WWP2: variants seen among roughly 807,000 people sequenced by gnomAD.
The protein encoded by WWP2 is NEDD4-like E3 ubiquitin-protein ligase WWP2.
A neutral mutation model predicts 121.0 loss-of-function variants in WWP2; 57 were observed. The ratio of observed to expected loss-of-function variants is 0.47; its 90% CI spans 0.38 to 0.59. The LOEUF is 0.59. Ranked by LOEUF, WWP2 falls within the 20% of genes least tolerant of loss-of-function variation. The pLI is 0.00. For synonymous variants in WWP2, 449 were observed against 441.3 expected (o/e 1.02, Z -0.22); for missense variants, 962 against 1,158.9 (o/e 0.83, Z 2.47).
intron 4 of WWP2, among the ~76,000 whole-genome samples, chr16:69,818,886 A>G (rs1567683380): frequency 6.6e-6 from 1 of 152,200 alleles, no homozygotes; most frequent in East Asian, 1.9e-4. Flanking sequence ...AATTTGGCCT[A>G]TATGCCCAAA....
At position 69,784,920 on chromosome 16, in the gene WWP2, TGA is replaced by T. The variant is rs1267897909; in HGVS notation, c.-15-2074_-15-2073del. 7.6e-4 allele frequency among the ~76,000 whole-genome samples: 116 copies of T among 151,904 alleles called. 1 individual carries two copies. The highest frequency in any genetic ancestry group is 2.8e-3 in the African/African-American group (115 of 41,388). On this transcript the variant is annotated intron_variant, in intron 1 of 23. Coordinates refer to ENST00000359154, the MANE Select transcript of WWP2 (RefSeq NM_001270454.2). ...AGTATTTGTTACCAATGATAAAATA[TGA>T]GTTTTTTTTTTTTTTAAAGAAAAGA...
At chr16:69,828,693 G>T (rs1215416221) in intron 4 of WWP2, among the ~76,000 whole-genome samples, 4 of 152,102 alleles carry the variant, frequency 2.6e-5, no homozygotes, top group Non-Finnish European at 4.4e-5. Context: ...TAGAAATAGG[G>T]TTTTGCCATG....
rs770646349 is a variant in WWP2 at position 69,931,598 on chromosome 16, G to A, written c.1593+18G>A. 8.1e-6 allele frequency: 13 copies of A among 1,613,676 alleles called. No individual in the cohort carries two copies. Among genetic ancestry groups the A allele is most frequent in the Admixed American group, 3.3e-5 (2 of 59,956 alleles). ...TCCAACAGGTTAGATCATGGTGCCC[G>A]AAACCAGTGGCAGGCCGACGCCCTC... On this transcript the variant is annotated intron_variant, in intron 15 of 23. Transcript: ENST00000359154.
intron 1 of WWP2, among the ~76,000 whole-genome samples, chr16:69,763,069 A>G (rs888683220): frequency 6.6e-6 from 1 of 151,208 alleles, no homozygotes; most frequent in African/African-American, 2.5e-5. Context: ...AAACAAAAAA[A>G]GAAAATAAAT....
intron 6 of WWP2, among the ~76,000 whole-genome samples, chr16:69,857,143 G>C (rs901903372): frequency 6.6e-6 from 1 of 151,710 alleles, no homozygotes; most frequent in African/African-American, 2.4e-5. Context: ...TCACTCTGTC[G>C]CTCAGGCTGG....
At chr16:69,808,672 G>A (rs2056329114) in intron 4 of WWP2, among the ~76,000 whole-genome samples, 2 of 152,266 alleles carry the variant, frequency 1.3e-5, no homozygotes, top group Admixed American at 1.3e-4. Context: ...AAAGTGTTGG[G>A]ATTACAGGCG....
At chr16:69,844,904 A>G (rs140238862) in intron 6 of WWP2, among the ~76,000 whole-genome samples, 10 of 152,286 alleles carry the variant, frequency 6.6e-5, no homozygotes, top group African/African-American at 2.4e-4. Flanking sequence ...TATTTTTGCA[A>G]ATATTATCCA....
At chr16:69,931,295 C>T in intron 14 of WWP2, 68 bp downstream of exon 14, 1 of 1,580,674 alleles carries the variant, frequency 6.3e-7, no homozygotes, top group Non-Finnish European at 8.7e-7. Context: ...GAGTTCCCGG[C>T]ACAGCAGCAG....
At chr16:69,928,681 G>A (rs1341411155) in intron 11 of WWP2, among the ~76,000 whole-genome samples, 3 of 152,090 alleles carry the variant, frequency 2.0e-5, no homozygotes, top group Admixed American at 6.6e-5. Flanking sequence ...AGGCTGAGGC[G>A]GGAGGATCAC....
chr16:69,874,798 G>A (rs559560864), intron 7 of WWP2, among the ~76,000 whole-genome samples: 6 of 152,092 alleles, frequency 3.9e-5, no homozygotes, highest in Non-Finnish European at 5.9e-5. Flanking sequence ...GTCAGATTCC[G>A]ATTCTTCATC....
intron 9 of WWP2, chr16:69,910,409 C>G: frequency 1.0e-6 from 1 of 970,064 alleles, no homozygotes; most frequent in Non-Finnish European, 1.2e-6. Context: ...GCTCTGTGTA[C>G]TGTGGCTTTT....
At chr16:69,814,820 A>G (rs908097094) in intron 4 of WWP2, among the ~76,000 whole-genome samples, 2 of 152,228 alleles carry the variant, frequency 1.3e-5, no homozygotes, top group Admixed American at 1.3e-4. Flanking sequence ...CAGTGTACCC[A>G]TTTATTTTAA....
chr16:69,903,778 A>AG (rs1318717515), intron 8 of WWP2, among the ~76,000 whole-genome samples: 14 of 152,070 alleles, frequency 9.2e-5, no homozygotes, highest in South Asian at 4.1e-4. Context: ...AAAAAAAAAA[A>AG]AAAGAAAGAA....
chr16:69,841,880 G>A, intron 5 of WWP2, 144 bp from the exon 6 acceptor site: 1 of 706,240 alleles, frequency 1.4e-6, no homozygotes, highest in Non-Finnish European at 2.4e-6. Flanking sequence ...TTCTCCTGGT[G>A]GCTGCAGCTT....
At chr16:69,876,769 C>A (rs772124618) in intron 7 of WWP2, among the ~76,000 whole-genome samples, 34 of 152,204 alleles carry the variant, frequency 2.2e-4, no homozygotes, top group Non-Finnish European at 3.8e-4. Context: ...CAACATTAAT[C>A]TCCTTGTAAA....
intron 1 of WWP2, among the ~76,000 whole-genome samples, chr16:69,776,658 C>G (rs12926035): frequency 0.5 from 75,855 of 151,848 alleles, 22,763 homozygotes; most frequent in Non-Finnish European, 0.68. Flanking sequence ...GAAACCCCGT[C>G]TCTACTAAAA....
At chr16:69,828,554 C>T (rs2056743484) in intron 4 of WWP2, among the ~76,000 whole-genome samples, 1 of 151,982 alleles carries the variant, frequency 6.6e-6, no homozygotes. Flanking sequence ...TTCGTAGAGA[C>T]GGGTTTCTCC....
At chr16:69,899,450 C>T (rs1201043034) in intron 8 of WWP2, among the ~76,000 whole-genome samples, 8 of 152,120 alleles carry the variant, frequency 5.3e-5, no homozygotes, top group Non-Finnish European at 8.8e-5. Context: ...AAGATGTGGG[C>T]CGGGTGCAAT....
At chr16:69,854,862 T>A (rs1462871646) in intron 6 of WWP2, among the ~76,000 whole-genome samples, 1 of 152,086 alleles carries the variant, frequency 6.6e-6, no homozygotes, top group African/African-American at 2.4e-5. Flanking sequence ...CTTTTTTGTT[T>A]TTTAAAATTT....
Sources: gnomAD v4.1 joint callset for allele counts (sites outside exome capture counted in the v4.1 genomes callset) on GRCh38, gnomAD v4.1.1 for gene constraint, MANE v1.5 for transcripts, NCBI Gene and HGNC (gene_info 2026-07-23, HGNC 2026-07-21) for gene names.